CXCL8: variants seen among roughly 807,000 people sequenced by gnomAD.
CXCL8 encodes C-X-C motif chemokine ligand 8.
In CXCL8, 12 loss-of-function variants were observed where a neutral mutation model predicts 10.9. The ratio of observed to expected loss-of-function variants is 1.10; its 90% confidence interval spans 0.71 to 1.79. The LOEUF (loss-of-function observed/expected upper bound fraction) is 1.79, where lower values mean the gene tolerates loss of function less well. Ranked by LOEUF, CXCL8 falls within the 40% of genes most tolerant of loss-of-function variation. The pLI is 0.00. For synonymous variants in CXCL8, 41 were observed against 39.6 expected (o/e 1.03, Z -0.13); for missense variants, 145 against 113.4 (o/e 1.28, Z -1.26).
At chr4:73,740,846 G>A in intron 1 of CXCL8, 124 bp downstream of exon 1, 1 of 743,132 alleles carries the variant, frequency 1.3e-6, no homozygotes, top group Non-Finnish European at 2.2e-6. Flanking sequence ...TATAATCTTA[G>A]CAGTCAATTA....
At position 73,740,676 on chromosome 4, in the gene CXCL8, C is replaced by T. The variant is rs1803205; in HGVS notation, c.18C>T (p.Ala6=). 1.6e-3 allele frequency: 2,534 copies of T among 1,613,578 alleles called. 4 individuals carry two copies. Among genetic ancestry groups the T allele is most frequent in the Non-Finnish European group, 1.8e-3 (2,090 of 1,179,668 alleles). MTSKL[A]VALLAAFLIS... is the part of the protein sequence containing the mutation. Reference sequence around the variant, plus strand: ...GTGTAAACATGACTTCCAAGCTGGCCGTGGCTCTCTTGGCAGCCTTCCTGA... The same window carrying T: ...GTGTAAACATGACTTCCAAGCTGGCTGTGGCTCTCTTGGCAGCCTTCCTGA... The change falls in exon 1 of 4, where the codon GCC becomes GCT. Residue 6 remains alanine, a synonymous_variant. Transcript: ENST00000307407.
At position 73,743,066 on chromosome 4, in the gene CXCL8, GT is replaced by G. The variant is rs949958487; in HGVS notation, c.*608del. The G allele has an allele frequency of 8.7e-6, 2 of 228,856 alleles. No individual in the cohort carries two copies. Among genetic ancestry groups the G allele is most frequent in the Non-Finnish European group, 8.7e-6 (1 of 115,454 alleles). The allele number at this position is 228,856 out of a possible 1,614,324, so 14.2% of individuals were successfully genotyped here. On this transcript the variant is annotated 3_prime_UTR_variant, in exon 4 of 4. Transcript: ENST00000307407. ...GTGAGGACATGTGGAAGCACTTTAA[GT>G]TTTTTCATCATAACATAAATTATTT...
Position 73,742,894 on chromosome 4 carries a change from C to T in CXCL8, c.*430C>T, listed in dbSNP as rs1192363517. On this transcript the variant is annotated 3_prime_UTR_variant, in exon 4 of 4. Coordinates refer to ENST00000307407, the MANE Select transcript of CXCL8 (RefSeq NM_000584.4). The stretch of plus-strand genomic sequence containing the variant: ...AATTTTGCCATAAAGTCAAATTTAG[C>T]TGGAAATCCTGGATTTTTTTCTGTT... 1.7e-5 allele frequency: 4 copies of T among 230,950 alleles called. No individual in the cohort carries two copies. Among genetic ancestry groups the T allele is most frequent in the African/African-American group, 8.9e-5 (4 of 45,174 alleles). The allele number at this position is 230,950 out of a possible 1,614,324, so 14.3% of individuals were successfully genotyped here. A position where few individuals can be genotyped will look rare whatever the true frequency, so the allele number is the denominator to read the frequency against.
rs201004318 is a variant in CXCL8, at chr4:73,741,535, C to G, written c.65-7C>G. On this transcript the variant is annotated splice_region_variant and splice_polypyrimidine_tract_variant and intron_variant, in intron 1 of 3. Coordinates refer to ENST00000307407, the MANE Select transcript of CXCL8 (RefSeq NM_000584.4). ...AATCAATCCTTAATCACTTTTTCCC[C>G]CAACAGGTGCAGTTTTGCCAAGGAG... The G allele has an allele frequency of 3.1e-6, 5 of 1,610,658 alleles. No homozygotes were observed. The highest frequency in any genetic ancestry group is 4.2e-6 in the Non-Finnish European group (5 of 1,178,726).
Position 73,740,651 on chromosome 4 carries a change from G to A in CXCL8, c.-8G>A. ...CCACCGGAAGGAACCATCTCACTGT[G>A]TGTAAACATGACTTCCAAGCTGGCC... On this transcript the variant is annotated 5_prime_UTR_variant, in exon 1 of 4. It adds an upstream start codon to the 5' untranslated region. Coordinates refer to ENST00000307407, the MANE Select transcript of CXCL8 (RefSeq NM_000584.4). The A allele has an allele frequency of 6.2e-7, 1 of 1,613,416 alleles. No homozygotes were observed.
chr4:73,740,782 C>A, intron 1 of CXCL8, 60 bp downstream of exon 1: 2 of 1,340,764 alleles, frequency 1.5e-6, no homozygotes, highest in Non-Finnish European at 2.1e-6. Context: ...CCTTAGATAG[C>A]AAAGCTATTC....
chr4:73,742,257 T>A (rs1346194744), intron 3 of CXCL8, 192 bp from the exon 4 acceptor site: 10 of 578,130 alleles, frequency 1.7e-5, no homozygotes, highest in Middle Eastern at 4.5e-4. Context: ...TGTCCTATAC[T>A]CTTAGTAAAG....
chr4:73,742,792 G>T lies in CXCL8; in HGVS notation c.*328G>T, dbSNP rs1054915744. ...GAGGCCAAGGGCCAAGAGAATATCC[G>T]AACTTTAATTTCAGGAATTGAATGG... On this transcript the variant is annotated 3_prime_UTR_variant, in exon 4 of 4. Coordinates refer to ENST00000307407, the MANE Select transcript of CXCL8 (RefSeq NM_000584.4). 2 of 251,412 alleles carry T rather than the reference G, an allele frequency of 8.0e-6. No individual in the cohort carries two copies. The highest frequency in any genetic ancestry group is 1.1e-4 in the Admixed American group (2 of 18,256). 15.6% of individuals were successfully genotyped at this position (251,412 alleles called of 1,614,324 possible). A position where few individuals can be genotyped will look rare whatever the true frequency, so the allele number is the denominator to read the frequency against.
At chr4:73,742,059 T>A (rs199793724) in intron 3 of CXCL8, 27 bp downstream of exon 3, 1 of 1,357,470 alleles carries the variant, frequency 7.4e-7, no homozygotes, top group Non-Finnish European at 1.0e-6. Context: ...TTAATTTAAA[T>A]TTTTCATTTA....
chr4:73,742,405 C>CT (rs1729204973), intron 3 of CXCL8, 44 bp from the exon 4 acceptor site: 2 of 985,666 alleles, frequency 2.0e-6, no homozygotes, highest in South Asian at 1.6e-5. Context: ...TACTTTCCTT[C>CT]TTATTAAACA....
intron 2 of CXCL8, 54 bp from the exon 3 acceptor site, chr4:73,741,895 T>A: frequency 7.4e-7 from 1 of 1,352,042 alleles, no homozygotes; most frequent in Admixed American, 1.7e-5. Flanking sequence ...TAAGGAATCA[T>A]GATTTGAATG....
intron 3 of CXCL8, 63 bp downstream of exon 3, chr4:73,742,095 G>C: frequency 9.9e-7 from 1 of 1,007,750 alleles, no homozygotes; most frequent in Non-Finnish European, 1.5e-6. Context: ...TCCAAAGTCA[G>C]CCTATAAATT....
intron 3 of CXCL8, 23 bp downstream of exon 3, chr4:73,742,055 T>A: frequency 2.2e-6 from 3 of 1,391,384 alleles, no homozygotes; most frequent in Non-Finnish European, 9.9e-7. Flanking sequence ...TTTTTTAATT[T>A]AAATTTTTCA....
At chr4:73,742,301 A>G (rs1218469217) in intron 3 of CXCL8, 148 bp from the exon 4 acceptor site, 3 of 583,690 alleles carry the variant, frequency 5.1e-6, no homozygotes, top group Non-Finnish European at 9.1e-6. Context: ...CCTATTTTAG[A>G]TGATAATTTC....
rs34915905 is a variant in CXCL8, at chr4:73,743,252, T to C, written c.*788T>C. Reference sequence around the variant, plus strand: ...TTTTAGATATTAAATGATGTTTTATTAGATAAATTTCAATCAGGGTTTTTA... The same window carrying C: ...TTTTAGATATTAAATGATGTTTTATCAGATAAATTTCAATCAGGGTTTTTA... On this transcript the variant is annotated 3_prime_UTR_variant, in exon 4 of 4. Transcript: ENST00000307407. 17 of 219,584 alleles carry C rather than the reference T, an allele frequency of 7.7e-5. No individual in the cohort carries two copies. The South Asian group carries it at 2.8e-3, about 36-fold the overall frequency. The allele number at this position is 219,584 out of a possible 1,614,324, so 13.6% of individuals were successfully genotyped here.
At position 73,740,595 on chromosome 4, in the gene CXCL8, A is replaced by C. The variant is rs1410350466; in HGVS notation, c.-64A>C. On this transcript the variant is annotated 5_prime_UTR_variant, in exon 1 of 4. Transcript: ENST00000307407. ...CAAACTTTCAGAGACAGCAGAGCACACAAGCTTCTAGGACAAGAGCCAGGA... is the reference window on the plus strand; with the variant it reads ...CAAACTTTCAGAGACAGCAGAGCACCCAAGCTTCTAGGACAAGAGCCAGGA... The C allele has an allele frequency of 6.8e-7, 1 of 1,478,218 alleles. No individual in the cohort carries two copies. The highest frequency in any genetic ancestry group is 9.4e-7 in the Non-Finnish European group (1 of 1,062,922). The allele number at this position is 1,478,218 out of a possible 1,614,324, so 91.6% of individuals were successfully genotyped here.
intron 2 of CXCL8, 109 bp from the exon 3 acceptor site, chr4:73,741,840 C>A: frequency 1.9e-6 from 2 of 1,069,028 alleles, no homozygotes; most frequent in Non-Finnish European, 2.8e-6. Flanking sequence ...GTAGCTTCCA[C>A]AACTACTATA....
rs1729223440 is a variant in CXCL8, at chr4:73,743,039, TTG to T, written c.*578_*579del. The T allele has an allele frequency of 4.3e-6, 1 of 230,048 alleles. No individual in the cohort carries two copies. The highest frequency in any genetic ancestry group is 1.8e-4 in the South Asian group (1 of 5,510). 14.3% of individuals were successfully genotyped at this position (230,048 alleles called of 1,614,324 possible). A position where few individuals can be genotyped will look rare whatever the true frequency, so the allele number is the denominator to read the frequency against. ...GCCACCATCTTACCTCACAGTGATG[TTG>T]TGAGGACATGTGGAAGCACTTTAAG... On this transcript the variant is annotated 3_prime_UTR_variant, in exon 4 of 4. Transcript: ENST00000307407.
chr4:73,742,046 T>C lies in CXCL8; in HGVS notation c.284+14T>C. The C allele has an allele frequency of 6.8e-7, 1 of 1,469,874 alleles. No individual in the cohort carries two copies. Among genetic ancestry groups the C allele is most frequent in the Non-Finnish European group, 9.3e-7 (1 of 1,077,942 alleles). 91.1% of individuals were successfully genotyped at this position (1,469,874 alleles called of 1,614,324 possible). Reference sequence around the variant, plus strand: ...GTTTTTGAAGAGGTAAGTTATATATTTTTTAATTTAAATTTTTCATTTATC... The same window carrying C: ...GTTTTTGAAGAGGTAAGTTATATATCTTTTAATTTAAATTTTTCATTTATC... On this transcript the variant is annotated intron_variant, in intron 3 of 3. Transcript: ENST00000307407.
Sources: gnomAD v4.1 joint callset for allele counts on GRCh38, gnomAD v4.1.1 for gene constraint, MANE v1.5 for transcripts, NCBI Gene and HGNC (gene_info 2026-07-23, HGNC 2026-07-21) for gene names.